The following RGS7 variants were observed in gnomAD, a reference collection of about 807,000 sequenced individuals.
The protein encoded by RGS7 is regulator of G-protein signaling 7.
RGS7 carries 27 observed loss-of-function variants against 81.1 expected under a neutral mutation model. The observed-to-expected ratio is 0.33, with a 90% CI of 0.25 to 0.46. The LOEUF is 0.46. Ranked by LOEUF, RGS7 falls within the 20% of genes least tolerant of loss-of-function variation. The pLI, the probability that RGS7 is intolerant of heterozygous loss-of-function variation, is 1.00. For synonymous variants in RGS7, 208 were observed against 207.7 expected, an observed-to-expected ratio of 1.00 and a Z score of -0.01; for missense variants, 396 against 607.4, an observed-to-expected ratio of 0.65 and a Z score of 3.66.
At chr1:241,166,770 G>C (rs898827922) in intron 2 of RGS7, among the ~76,000 whole-genome samples, 1 of 152,132 alleles carries the variant, frequency 6.6e-6, no homozygotes, top group Non-Finnish European at 1.5e-5. Flanking sequence ...ATTCTGCAAT[G>C]TCCTTTTTTG....
chr1:241,151,108 C>A (rs537872539), intron 2 of RGS7, among the ~76,000 whole-genome samples: 2 of 152,170 alleles, frequency 1.3e-5, no homozygotes, highest in Admixed American at 1.3e-4. Context: ...CCCACTCAGT[C>A]CACTGGCGCA....
At chr1:240,958,225 C>A (rs1571991763) in intron 4 of RGS7, among the ~76,000 whole-genome samples, 1 of 152,158 alleles carries the variant, frequency 6.6e-6, no homozygotes, top group East Asian at 1.9e-4. Context: ...GGGAAAGTGG[C>A]AAAACAATAA....
At chr1:241,327,897 GAGTACAGC>G (rs1283575348) in intron 2 of RGS7, among the ~76,000 whole-genome samples, 3 of 152,030 alleles carry the variant, frequency 2.0e-5, no homozygotes, top group African/African-American at 4.8e-5. Flanking sequence ...AGGCTTCTTA[GAGTACAGC>G]TACCACATTC....
intron 13 of RGS7, among the ~76,000 whole-genome samples, chr1:240,813,262 C>G (rs553361972): frequency 6.6e-6 from 1 of 152,278 alleles, no homozygotes; most frequent in East Asian, 1.9e-4. Flanking sequence ...GTATGTATGG[C>G]TTTAGCATTC....
At chr1:241,112,968 T>C (rs2065636591) in intron 2 of RGS7, among the ~76,000 whole-genome samples, 1 of 152,218 alleles carries the variant, frequency 6.6e-6, no homozygotes, top group African/African-American at 2.4e-5. Flanking sequence ...CTAGTCCATC[T>C]ATGAAAGAAG....
chr1:241,228,601 T>C (rs2075467190), intron 2 of RGS7, among the ~76,000 whole-genome samples: 1 of 152,106 alleles, frequency 6.6e-6, no homozygotes, highest in African/African-American at 2.4e-5. Flanking sequence ...AAAGTACATG[T>C]GAGGACACTG....
intron 4 of RGS7, among the ~76,000 whole-genome samples, chr1:240,967,284 A>C (rs1682464096): frequency 6.6e-6 from 1 of 152,222 alleles, no homozygotes; most frequent in South Asian, 2.1e-4. Flanking sequence ...CTGGGCCTAA[A>C]TATACCTACA....
intron 6 of RGS7, among the ~76,000 whole-genome samples, chr1:240,909,982 T>C (rs186672019): frequency 1.1e-4 from 17 of 152,322 alleles, no homozygotes; most frequent in Middle Eastern, 6.8e-3. Context: ...CCCTGCTTTA[T>C]TAAAGTGCAG....
chr1:241,127,964 G>A (rs1312751276), intron 2 of RGS7, among the ~76,000 whole-genome samples: 2 of 152,074 alleles, frequency 1.3e-5, no homozygotes, highest in Non-Finnish European at 2.9e-5. Context: ...AGGAAATATA[G>A]AGCAGTATGT....
chr1:241,034,781 T>C (rs1022719725), intron 3 of RGS7, among the ~76,000 whole-genome samples: 2 of 152,162 alleles, frequency 1.3e-5, no homozygotes, highest in African/African-American at 2.4e-5. Context: ...CCATAGGAAG[T>C]GAGAGCGCCA....
chr1:241,013,707 C>T (rs775666442), intron 3 of RGS7, among the ~76,000 whole-genome samples: 3 of 152,132 alleles, frequency 2.0e-5, no homozygotes, highest in Admixed American at 6.5e-5. Context: ...TGTCTCTTCC[C>T]ACTCAGGCAA....
At chr1:240,919,746 C>T in intron 6 of RGS7, 1 of 643,658 alleles carries the variant, frequency 1.6e-6, no homozygotes, top group Non-Finnish European at 2.8e-6. Flanking sequence ...CCTGAGGGGC[C>T]ATTTTCAGCA....
intron 10 of RGS7, among the ~76,000 whole-genome samples, chr1:240,816,991 G>A (rs1690911527): frequency 6.6e-6 from 1 of 152,140 alleles, no homozygotes; most frequent in Non-Finnish European, 1.5e-5. Flanking sequence ...GGTGCCATTT[G>A]CAAACATCAG....
At chr1:241,088,421 C>A (rs1297308999) in intron 3 of RGS7, among the ~76,000 whole-genome samples, 2 of 152,080 alleles carry the variant, frequency 1.3e-5, no homozygotes, top group Admixed American at 6.5e-5. Context: ...GGGCTCTCCA[C>A]CTTTCCCTTT....
chr1:241,050,784 T>C (rs551449355), intron 3 of RGS7, among the ~76,000 whole-genome samples: 1 of 152,356 alleles, frequency 6.6e-6, no homozygotes, highest in East Asian at 1.9e-4. Context: ...TAAGTATATC[T>C]TCTCTTCCTT....
chr1:241,019,250 T>C (rs1272234829), intron 3 of RGS7, among the ~76,000 whole-genome samples: 1 of 152,212 alleles, frequency 6.6e-6, no homozygotes, highest in African/African-American at 2.4e-5. Flanking sequence ...GTGTCTAGCA[T>C]CTTCTGCTCC....
At chr1:241,330,185 CG>C (rs1459860866) in intron 2 of RGS7, among the ~76,000 whole-genome samples, 15 of 152,118 alleles carry the variant, frequency 9.9e-5, no homozygotes, top group Admixed American at 9.8e-4. Context: ...GTGATCCACC[CG>C]CCTCAGCCTC....
rs969721062 is a variant in RGS7 at position 241,045,656 on chromosome 1, G to A, written c.175+53010C>T. Among the ~76,000 whole-genome samples, 5 of 152,114 alleles carry A rather than the reference G, an allele frequency of 3.3e-5. No homozygotes were observed. In the South Asian group the frequency reaches 8.3e-4, roughly 25 times the overall value. On this transcript the variant is annotated intron_variant, in intron 3 of 18. Transcript: ENST00000440928. ...TGGGATTACAGGCATGAGCCACCGC[G>A]CCTGGCCTGTCTAGGTATCACTGAA...
At chr1:240,964,479 T>A (rs1681977881) in intron 4 of RGS7, among the ~76,000 whole-genome samples, 1 of 152,120 alleles carries the variant, frequency 6.6e-6, no homozygotes, top group Non-Finnish European at 1.5e-5. Flanking sequence ...ACTCTCTTGG[T>A]GGATGCACTG....
Sources: allele counts gnomAD v4.1 joint callset (sites outside exome capture counted in the v4.1 genomes callset), GRCh38; gene constraint gnomAD v4.1.1; transcripts MANE v1.5; gene names NCBI Gene and HGNC (gene_info 2026-07-23, HGNC 2026-07-21).